Variants in CREB3L4 observed in about 807,000 individuals in gnomAD.
The protein encoded by CREB3L4 is cAMP responsive element binding protein 3 like 4.
A neutral mutation model predicts 37.0 loss-of-function variants in CREB3L4; 28 were observed. That is an observed-to-expected ratio of 0.76 (90% CI 0.56 to 1.04). The LOEUF (loss-of-function observed/expected upper bound fraction) is 1.04. Among genes scored for constraint, CREB3L4 ranks in the 50% least tolerant of loss-of-function variants. CREB3L4 has a pLI of 0.00. For missense variants in CREB3L4, 462 were observed against 486.0 expected, an observed-to-expected ratio of 0.95 and a Z score of 0.46; for synonymous variants, 175 against 192.2, an observed-to-expected ratio of 0.91 and a Z score of 0.74.
intron 4 of CREB3L4, among the ~76,000 whole-genome samples, chr1:153,970,270 A>C (rs1648242683): frequency 6.6e-6 from 1 of 152,150 alleles, no homozygotes; most frequent in African/African-American, 2.4e-5. Flanking sequence ...AGGGAGAAAG[A>C]ACCCTTGGGG....
In CREB3L4 at chr1:153,974,030, C is replaced by T. The variant is rs769857832; in HGVS notation, c.1153C>T (p.Arg385Cys). 3.0e-5 allele frequency: 49 copies of T among 1,614,046 alleles called. No homozygotes were observed. Among genetic ancestry groups the T allele is most frequent in the South Asian group, 9.9e-5 (9 of 91,070 alleles). Residue 385 changes from arginine (R) to cysteine (C), a missense_variant, in exon 10 of 10, where the codon CGC (arginine) becomes TGC (cysteine). Transcript: ENST00000368607. ...KMGGKPRPSG[R>C]IRSVLHADEM The stretch of plus-strand genomic sequence containing the variant: ...GGGAGGGAAGCCAAGACCCAGTGGG[C>T]GCATCCGGTCCGTGCTGCATGCAGA...
intron 4 of CREB3L4, among the ~76,000 whole-genome samples, chr1:153,970,430 G>A (rs1041323518): frequency 2.6e-5 from 4 of 152,174 alleles, no homozygotes; most frequent in Non-Finnish European, 5.9e-5. Flanking sequence ...GGCCACCTGG[G>A]AATCCCAACT....
intron 4 of CREB3L4, among the ~76,000 whole-genome samples, chr1:153,971,325 G>A (rs1255131270): frequency 2.6e-5 from 4 of 151,490 alleles, no homozygotes; most frequent in Non-Finnish European, 2.9e-5. Flanking sequence ...TGGAGATTGC[G>A]CCATTGAACT....
Position 153,968,916 on chromosome 1 carries a change from T to G in CREB3L4, c.175-14T>G, listed in dbSNP as rs962412715. 6.3e-7 allele frequency: 1 copy of G among 1,592,956 alleles called. No homozygotes were observed. The highest frequency in any genetic ancestry group is 8.6e-7 in the Non-Finnish European group (1 of 1,169,582). ...TTCTTCCCTGCACATATATATAACC[T>G]TTTCCTACTGTAGGGCCTTCAAGAG... On this transcript the variant is annotated splice_polypyrimidine_tract_variant and intron_variant, in intron 2 of 9. Coordinates refer to ENST00000368607, the MANE Select transcript of CREB3L4 (RefSeq NM_001255978.2).
intron 7 of CREB3L4, 43 bp downstream of exon 7, chr1:153,973,306 G>C (rs1400623410): frequency 6.2e-7 from 1 of 1,610,218 alleles, no homozygotes. Flanking sequence ...TTGAAGGCAG[G>C]TACAGCACAC....
At chr1:153,968,242 G>T (rs1230198956) in intron 1 of CREB3L4, 78 bp downstream of exon 1, 3 of 284,770 alleles carry the variant, frequency 1.1e-5, no homozygotes, top group African/African-American at 2.2e-5. Context: ...CTGGAAGAAA[G>T]AAAAGGTGTA....
At chr1:153,969,524 G>A in intron 4 of CREB3L4, 69 bp downstream of exon 4, 1 of 1,563,098 alleles carries the variant, frequency 6.4e-7, no homozygotes, top group South Asian at 1.1e-5. Flanking sequence ...AGAGCAAAGG[G>A]ATGAGGGAAT....
At chr1:153,973,129 C>G (rs754193140) in intron 6 of CREB3L4, 51 bp downstream of exon 6, 2 of 1,611,354 alleles carry the variant, frequency 1.2e-6, no homozygotes, top group Non-Finnish European at 1.7e-6. Flanking sequence ...GGGCCCCTTC[C>G]TCACCATGGG....
At chr1:153,971,585 T>TC (rs1648378927) in intron 4 of CREB3L4, among the ~76,000 whole-genome samples, 1 of 137,242 alleles carries the variant, frequency 7.3e-6, no homozygotes, top group Non-Finnish European at 1.6e-5. Flanking sequence ...CTTTTTCTTT[T>TC]TCTTTTTTTT....
Position 153,972,800 on chromosome 1 carries a change from A to T in CREB3L4, c.600A>T (p.Glu200Asp). 1 of 1,613,944 alleles carries T rather than the reference A, an allele frequency of 6.2e-7. No homozygotes were observed. The highest frequency in any genetic ancestry group is 1.1e-5 in the South Asian group (1 of 91,044). The change falls in exon 5 of 10, where the codon GAA becomes GAT. Residue 200 changes from glutamate (E) to aspartate (D), a missense_variant. By Grantham distance (45) the Glu-to-Asp change is conservative. Transcript: ENST00000368607. ...AGGAGAAGCGTCTGCTGGGGCAGGA[A>T]GGGGTTTCCCTGCCCTCTCACCTGC... ...TDEEKRLLGQ[E>D]GVSLPSHLPL... is the part of the protein sequence containing the mutation.
chr1:153,972,944 C>T, intron 5 of CREB3L4, 28 bp from the exon 6 acceptor site: 3 of 1,609,648 alleles, frequency 1.9e-6, no homozygotes, highest in Non-Finnish European at 2.6e-6. Flanking sequence ...GTGAAGGACC[C>T]AGGACTCACA....
At chr1:153,973,792 C>T (rs1648644387) in intron 9 of CREB3L4, 76 bp downstream of exon 9, 1 of 1,559,996 alleles carries the variant, frequency 6.4e-7, no homozygotes, top group Admixed American at 1.8e-5. Flanking sequence ...CGTCAAGAAG[C>T]AAGAGGGAGG....
intron 4 of CREB3L4, among the ~76,000 whole-genome samples, chr1:153,969,928 T>C (rs1411941100): frequency 7.0e-6 from 1 of 142,768 alleles, no homozygotes; most frequent in African/African-American, 2.6e-5. Context: ...CATGAACAAT[T>C]TTTTTTTTTT....
chr1:153,971,746 A>G lies in CREB3L4; in HGVS notation c.544-998A>G, dbSNP rs551337619. Among the ~76,000 whole-genome samples the G allele has an allele frequency of 4.6e-5, 7 of 152,224 alleles. No homozygotes were observed. The South Asian group carries it at 1.5e-3, about 32-fold the overall frequency. ...CACATCAGGAAAAGCCACACAGGAA[A>G]TGGTTTTGCCAAAAGCCAAAAACCA... On this transcript the variant is annotated intron_variant, in intron 4 of 9. Coordinates refer to ENST00000368607, the MANE Select transcript of CREB3L4 (RefSeq NM_001255978.2).
rs763007313 is a variant in CREB3L4, at chr1:153,973,681, C to T, written c.959C>T (p.Pro320Leu). The T allele has an allele frequency of 3.7e-5, 59 of 1,608,088 alleles. No homozygotes were observed. In the South Asian group the frequency reaches 5.3e-4, roughly 15 times the overall value. Residue 320 changes from proline to leucine, a missense_variant, in exon 9 of 10, where the codon CCA becomes CTA. By Grantham distance (98) the Pro-to-Leu change is moderately conservative. Transcript: ENST00000368607. ...AGCTTCAGTCCATTCCAGAGTCGAC[C>T]AGAAGCTGGGTCTGAGGATTACCAG... ...LPSFSPFQSR[P>L]EAGSEDYQPH...
In CREB3L4 at chr1:153,968,057, T is replaced by C; in HGVS notation, c.-112T>C. 6.5e-6 allele frequency: 1 copy of C among 154,570 alleles called. No individual in the cohort carries two copies. 9.6% of individuals were successfully genotyped at this position (154,570 alleles called of 1,614,324 possible). ...AGATTTACTATAGCTAAGAGAAAAC[T>C]GCAGCAGAAAGGGCGCGGCTACCTA... On this transcript the variant is annotated 5_prime_UTR_variant, in exon 1 of 10. Coordinates refer to ENST00000368607, the MANE Select transcript of CREB3L4 (RefSeq NM_001255978.2).
At chr1:153,972,378 G>A (rs551948985) in intron 4 of CREB3L4, among the ~76,000 whole-genome samples, 54 of 152,200 alleles carry the variant, frequency 3.5e-4, no homozygotes, top group Non-Finnish European at 5.4e-4. Flanking sequence ...AGTGAATCAT[G>A]TGCTTGCTGT....
In CREB3L4 at chr1:153,968,512, C is replaced by A; in HGVS notation, c.-4-10C>A. 1 of 1,610,738 alleles carries A rather than the reference C, an allele frequency of 6.2e-7. No individual in the cohort carries two copies. Among genetic ancestry groups the A allele is most frequent in the South Asian group, 1.1e-5 (1 of 90,992 alleles). On this transcript the variant is annotated splice_polypyrimidine_tract_variant and intron_variant, in intron 1 of 9. Coordinates refer to ENST00000368607, the MANE Select transcript of CREB3L4 (RefSeq NM_001255978.2). ...TTCTGCAACCCTCCGTCCCACACGCCTTCCTGCAGAAGCATGGATCTCGGA... is the reference window on the plus strand; with the variant it reads ...TTCTGCAACCCTCCGTCCCACACGCATTCCTGCAGAAGCATGGATCTCGGA...
rs1648167670 is a variant in CREB3L4, at chr1:153,969,790, T to C, written c.543+335T>C. 4 of 270,836 alleles carry C rather than the reference T, an allele frequency of 1.5e-5. No individual in the cohort carries two copies. The South Asian group carries it at 1.6e-4, about 11-fold the overall frequency. 16.8% of individuals were successfully genotyped at this position (270,836 alleles called of 1,614,324 possible). A position where few individuals can be genotyped will look rare whatever the true frequency, so the allele number is the denominator to read the frequency against. On this transcript the variant is annotated intron_variant, in intron 4 of 9. Coordinates refer to ENST00000368607, the MANE Select transcript of CREB3L4 (RefSeq NM_001255978.2). ...CACGTCTGGCTAATTTTTGTAGAGA[T>C]GGGGTTTTGGGGTTTTGCCATGTTG...
Sources: allele counts gnomAD v4.1 joint callset (sites outside exome capture counted in the v4.1 genomes callset), GRCh38; gene constraint gnomAD v4.1.1; transcripts MANE v1.5; gene names NCBI Gene and HGNC (gene_info 2026-07-23, HGNC 2026-07-21).